Variants in BCAR3 observed in about 807,000 individuals in gnomAD.
BCAR3 encodes the protein breast cancer anti-estrogen resistance protein 3.
A neutral mutation model predicts 80.1 loss-of-function variants in BCAR3; 37 were observed. The observed-to-expected ratio is 0.46, with a 90% CI of 0.36 to 0.61. The LOEUF (loss-of-function observed/expected upper bound fraction) is 0.61, where lower values mean the gene tolerates loss of function less well. Ranked by LOEUF, BCAR3 falls within the 20% of genes least tolerant of loss-of-function variation. The pLI is 0.00. For missense variants in BCAR3, 978 were observed against 1,068.2 expected, an observed-to-expected ratio of 0.92 and a Z score of 1.18; for synonymous variants, 389 against 418.9, an observed-to-expected ratio of 0.93 and a Z score of 0.87.
chr1:93,739,697 C>T (rs780253356), intron 2 of BCAR3, among the ~76,000 whole-genome samples: 3 of 152,042 alleles, frequency 2.0e-5, no homozygotes, highest in Non-Finnish European at 4.4e-5. Context: ...TCAGCCCTGC[C>T]CTAAGGGGAT....
chr1:93,757,143 T>C (rs1173756910), intron 2 of BCAR3, among the ~76,000 whole-genome samples: 1 of 152,174 alleles, frequency 6.6e-6, no homozygotes, highest in Non-Finnish European at 1.5e-5. Context: ...CTGGAATCCA[T>C]GTTGAGGTGC....
intron 2 of BCAR3, among the ~76,000 whole-genome samples, chr1:93,790,651 A>ATGTT (rs10627954): frequency 1.2e-5 from 1 of 83,538 alleles, no homozygotes. Flanking sequence ...TTTTTTCTTA[A>ATGTT]TTTTTTTTTT....
intron 2 of BCAR3, among the ~76,000 whole-genome samples, chr1:93,804,493 G>A (rs1653594771): frequency 6.6e-6 from 1 of 152,176 alleles, no homozygotes; most frequent in African/African-American, 2.4e-5. Context: ...CACAAGTACT[G>A]TGATACCATG....
intron 3 of BCAR3, among the ~76,000 whole-genome samples, chr1:93,616,082 C>T (rs1033145778): frequency 3.3e-5 from 5 of 152,152 alleles, no homozygotes; most frequent in Non-Finnish European, 7.3e-5. Context: ...GAATAAAGTG[C>T]TCCACAGCCA....
intron 2 of BCAR3, among the ~76,000 whole-genome samples, chr1:93,799,234 C>T (rs1349418365): frequency 6.6e-6 from 1 of 152,284 alleles, no homozygotes. Context: ...CTGGAACACC[C>T]AGGATGATGC....
chr1:93,628,901 T>C (rs569352803), intron 3 of BCAR3, among the ~76,000 whole-genome samples: 73 of 152,334 alleles, frequency 4.8e-4, no homozygotes, highest in African/African-American at 1.7e-3. Flanking sequence ...TAAATGACTA[T>C]GTACTAACCA....
intron 8 of BCAR3, among the ~76,000 whole-genome samples, chr1:93,574,880 T>C (rs1229770467): frequency 6.6e-6 from 1 of 152,216 alleles, no homozygotes; most frequent in Non-Finnish European, 1.5e-5. Flanking sequence ...AAAATCCGCA[T>C]GGCCCACTTC....
intron 2 of BCAR3, among the ~76,000 whole-genome samples, chr1:93,774,483 CAA>C (rs368408896): frequency 1.5e-4 from 19 of 124,380 alleles, no homozygotes; most frequent in Admixed American, 1.6e-4. Context: ...GATTCTGTTT[CAA>C]AAAAAAAAAA....
intron 2 of BCAR3, among the ~76,000 whole-genome samples, chr1:93,666,488 T>G (rs979557743): frequency 6.6e-6 from 1 of 152,146 alleles, no homozygotes; most frequent in African/African-American, 2.4e-5. Context: ...ACCTCCTCAT[T>G]TTGTAGTTAC....
intron 2 of BCAR3, among the ~76,000 whole-genome samples, chr1:93,759,838 A>G (rs1459361977): frequency 6.6e-6 from 1 of 152,144 alleles, no homozygotes; most frequent in Non-Finnish European, 1.5e-5. Flanking sequence ...TTTTCCTTTT[A>G]GGTCCCACTG....
chr1:93,761,693 A>T (rs1050699685), intron 2 of BCAR3, among the ~76,000 whole-genome samples: 4 of 152,142 alleles, frequency 2.6e-5, no homozygotes, highest in African/African-American at 9.7e-5. Context: ...GCCAGCATGA[A>T]TGTGGTCTTC....
chr1:93,576,267 T>G, intron 7 of BCAR3, 138 bp from the exon 8 acceptor site: 4 of 664,678 alleles, frequency 6.0e-6, no homozygotes, highest in Non-Finnish European at 1.1e-5. Flanking sequence ...AAGCAGCTGC[T>G]GACAATGCTG....
intron 2 of BCAR3, among the ~76,000 whole-genome samples, chr1:93,772,402 C>G (rs1455978324): frequency 6.6e-6 from 1 of 152,178 alleles, no homozygotes; most frequent in Non-Finnish European, 1.5e-5. Flanking sequence ...GCTATACCAG[C>G]AGCCATAGCT....
In BCAR3 at chr1:93,814,849, G is replaced by A. The variant is rs762923822; in HGVS notation, c.-63+30718C>T. On this transcript the variant is annotated intron_variant, in intron 2 of 13. Transcript: ENST00000370244. The stretch of plus-strand genomic sequence containing the variant: ...GGTTTAATCCACGGGGCTTTCACCT[G>A]AACTAACCCAGGGATTCTGTCTTAA... Among the ~76,000 whole-genome samples the A allele has an allele frequency of 2.6e-5, 4 of 152,332 alleles. No homozygotes were observed. In the East Asian group the frequency reaches 5.8e-4, roughly 22 times the overall value.
At chr1:93,820,457 C>T (rs1571150062) in intron 2 of BCAR3, among the ~76,000 whole-genome samples, 3 of 152,214 alleles carry the variant, frequency 2.0e-5, no homozygotes, top group Admixed American at 6.5e-5. Flanking sequence ...CAAATTCCCT[C>T]CTCAGGTTCA....
intron 2 of BCAR3, among the ~76,000 whole-genome samples, chr1:93,653,411 C>G (rs1647212446): frequency 6.6e-6 from 1 of 152,180 alleles, no homozygotes; most frequent in Non-Finnish European, 1.5e-5. Flanking sequence ...GGCATGGTGT[C>G]TGTATTCCAG....
chr1:93,639,566 T>G (rs1675916179), intron 3 of BCAR3, among the ~76,000 whole-genome samples: 2 of 147,020 alleles, frequency 1.4e-5, no homozygotes, highest in African/African-American at 5.1e-5. Flanking sequence ...AACCTCCGCC[T>G]CCCAGGTTCA....
At chr1:93,722,660 T>A (rs183463914) in intron 2 of BCAR3, among the ~76,000 whole-genome samples, 64 of 152,272 alleles carry the variant, frequency 4.2e-4, no homozygotes, top group Non-Finnish European at 1.5e-5. Context: ...CTTGCCTAAG[T>A]CCCAGTCCCA....
chr1:93,832,598 G>A (rs529658889), intron 2 of BCAR3, among the ~76,000 whole-genome samples: 3 of 152,206 alleles, frequency 2.0e-5, no homozygotes, highest in African/African-American at 7.2e-5. Flanking sequence ...CTCTTACAGT[G>A]GAAGGTAAGT....
Sources: gnomAD v4.1 joint callset for allele counts (sites outside exome capture counted in the v4.1 genomes callset) on GRCh38, gnomAD v4.1.1 for gene constraint, MANE v1.5 for transcripts, NCBI Gene and HGNC (gene_info 2026-07-23, HGNC 2026-07-21) for gene names.